The following AGBL4 variants were observed in gnomAD, a reference collection of about 807,000 sequenced individuals.
AGBL4 encodes the protein AGBL carboxypeptidase 4.
AGBL4 carries 58 observed loss-of-function variants against 66.4 expected under a neutral mutation model. That is an observed-to-expected ratio of 0.87 (90% CI 0.71 to 1.09). The LOEUF is 1.09. Among genes scored for constraint, AGBL4 ranks in the 50% least tolerant of loss-of-function variants. AGBL4 has a pLI of 0.00. For synonymous variants in AGBL4, 234 were observed against 222.9 expected, an observed-to-expected ratio of 1.05 and a Z score of -0.44; for missense variants, 579 against 631.0, an observed-to-expected ratio of 0.92 and a Z score of 0.88.
chr1:49,322,992 A>G (rs986306444), intron 3 of AGBL4, among the ~76,000 whole-genome samples: 2 of 152,260 alleles, frequency 1.3e-5, no homozygotes, highest in African/African-American at 4.8e-5. Flanking sequence ...ATTTCTCAAA[A>G]TAAAATTTAA....
intron 6 of AGBL4, among the ~76,000 whole-genome samples, chr1:48,722,607 A>T (rs1414255288): frequency 6.6e-6 from 1 of 152,188 alleles, no homozygotes; most frequent in Non-Finnish European, 1.5e-5. Flanking sequence ...TTCCATTATA[A>T]CACGGTAAAC....
intron 3 of AGBL4, among the ~76,000 whole-genome samples, chr1:49,616,954 C>T (rs1645259468): frequency 6.6e-6 from 1 of 152,188 alleles, no homozygotes; most frequent in Non-Finnish European, 1.5e-5. Context: ...TGCTTCCTAA[C>T]TGGCTACTCT....
chr1:48,955,914 G>A (rs947160608), intron 5 of AGBL4, among the ~76,000 whole-genome samples: 1 of 152,226 alleles, frequency 6.6e-6, no homozygotes, highest in East Asian at 1.9e-4. Context: ...TCAGTAAACA[G>A]TAGCTGGGAG....
intron 5 of AGBL4, among the ~76,000 whole-genome samples, chr1:48,956,067 C>T (rs1453361033): frequency 6.6e-6 from 1 of 152,210 alleles, no homozygotes. Flanking sequence ...GGGCATTAGG[C>T]CCTGTTGCAT....
intron 3 of AGBL4, among the ~76,000 whole-genome samples, chr1:49,563,557 T>C (rs1410336669): frequency 1.3e-5 from 2 of 152,178 alleles, no homozygotes; most frequent in African/African-American, 4.8e-5. Context: ...TCTGCATCTA[T>C]TGAGATAATC....
rs1265275541 is a variant in AGBL4 at position 48,653,399 on chromosome 1, T to C, written c.777A>G (p.Glu259=). ...SQHPIACVLR[E]YLVFKIAPML... Reference sequence around the variant, plus strand: ...TTGGTGCGATCTTGAAGACCAGGTATTCCCGGAGGACACAGGCAATAGGGT... The same window carrying C: ...TTGGTGCGATCTTGAAGACCAGGTACTCCCGGAGGACACAGGCAATAGGGT... Residue 259 remains glutamate, a synonymous_variant, in exon 8 of 14, where the codon GAA becomes GAG. Transcript: ENST00000371839. 6.3e-7 allele frequency: 1 copy of C among 1,590,024 alleles called. No homozygotes were observed.
intron 2 of AGBL4, among the ~76,000 whole-genome samples, chr1:49,745,917 C>T (rs1650950128): frequency 6.6e-6 from 1 of 151,966 alleles, no homozygotes; most frequent in Non-Finnish European, 1.5e-5. Context: ...TACCCCAAAA[C>T]AGGAGAACAC....
intron 6 of AGBL4, among the ~76,000 whole-genome samples, chr1:48,733,032 C>T (rs1220158997): frequency 2.0e-5 from 3 of 152,132 alleles, no homozygotes; most frequent in Non-Finnish European, 2.9e-5. Context: ...TTGGTGAAAA[C>T]ACATTAAGCA....
chr1:49,043,590 C>T (rs1463330814), intron 5 of AGBL4, among the ~76,000 whole-genome samples: 1 of 152,142 alleles, frequency 6.6e-6, no homozygotes, highest in African/African-American at 2.4e-5. Context: ...TTAAACCTTC[C>T]TTAAATTATC....
chr1:49,662,731 A>T (rs1385081618), intron 3 of AGBL4, among the ~76,000 whole-genome samples: 2 of 152,136 alleles, frequency 1.3e-5, no homozygotes, highest in African/African-American at 4.8e-5. Flanking sequence ...TTACAATGAC[A>T]CACTCTATCC....
chr1:49,781,409 AT>A (rs1478349077), intron 2 of AGBL4, among the ~76,000 whole-genome samples: 1 of 152,130 alleles, frequency 6.6e-6, no homozygotes, highest in Non-Finnish European at 1.5e-5. Context: ...AAAAAACAAT[AT>A]TATTAGAGAT....
In AGBL4 at chr1:48,913,415, G is replaced by A. The variant is rs189961598; in HGVS notation, c.595-46185C>T. Among the ~76,000 whole-genome samples the A allele has an allele frequency of 6.2e-3, 949 of 152,220 alleles. 10 individuals are homozygous for A. Among genetic ancestry groups the A allele is most frequent in the African/African-American group, 0.02 (849 of 41,520 alleles). On this transcript the variant is annotated intron_variant, in intron 5 of 13. Transcript: ENST00000371839. Reference sequence around the variant, plus strand: ...GGATGCACAGCAGGAGGTGAGCGGCGGGCTAGAGAGCAAAGCTTCATCTGT... The same window carrying A: ...GGATGCACAGCAGGAGGTGAGCGGCAGGCTAGAGAGCAAAGCTTCATCTGT...
At chr1:48,905,366 G>T (rs1489597876) in intron 5 of AGBL4, among the ~76,000 whole-genome samples, 1 of 152,166 alleles carries the variant, frequency 6.6e-6, no homozygotes, top group Non-Finnish European at 1.5e-5. Context: ...GGTAACAAAT[G>T]TACTGCAATG....
At chr1:48,823,436 G>C (rs974993234) in intron 6 of AGBL4, among the ~76,000 whole-genome samples, 1 of 152,192 alleles carries the variant, frequency 6.6e-6, no homozygotes, top group African/African-American at 2.4e-5. Context: ...GAGTACTCTG[G>C]TGATTTAAAG....
chr1:48,917,528 G>A (rs1653693329), intron 5 of AGBL4, among the ~76,000 whole-genome samples: 1 of 152,130 alleles, frequency 6.6e-6, no homozygotes, highest in South Asian at 2.1e-4. Flanking sequence ...AAACTCCCAT[G>A]AACAAATCTT....
chr1:49,526,921 C>T (rs969871845), intron 3 of AGBL4, among the ~76,000 whole-genome samples: 3 of 152,046 alleles, frequency 2.0e-5, no homozygotes, highest in Admixed American at 1.3e-4. Flanking sequence ...TGATACTGTC[C>T]AGCAGCAGCC....
chr1:49,941,324 T>G (rs1654739113), intron 1 of AGBL4, among the ~76,000 whole-genome samples: 1 of 152,140 alleles, frequency 6.6e-6, no homozygotes, highest in Admixed American at 6.5e-5. Context: ...TCCAAACTCA[T>G]TTTACAAACC....
chr1:48,857,990 A>G (rs184177346), intron 6 of AGBL4, among the ~76,000 whole-genome samples: 181 of 152,332 alleles, frequency 1.2e-3, no homozygotes, highest in African/African-American at 4.3e-3. Flanking sequence ...AGACAAATAT[A>G]GTCCAATCAA....
chr1:49,878,723 T>C (rs932264475), intron 1 of AGBL4, among the ~76,000 whole-genome samples: 1 of 150,770 alleles, frequency 6.6e-6, no homozygotes, highest in African/African-American at 2.5e-5. Context: ...GTTGTTGACT[T>C]TCTGTCTCGT....
Sources: allele counts gnomAD v4.1 joint callset (sites outside exome capture counted in the v4.1 genomes callset), GRCh38; gene constraint gnomAD v4.1.1; transcripts MANE v1.5; gene names NCBI Gene and HGNC (gene_info 2026-07-23, HGNC 2026-07-21).